Variants in ZNF43 observed in about 807,000 individuals in gnomAD.
ZNF43 encodes zinc finger protein 43.
In ZNF43, 44 loss-of-function variants were observed where a neutral mutation model predicts 68.4. That is an observed-to-expected ratio of 0.64 (90% CI 0.51 to 0.83). The LOEUF is 0.83. Ranked by LOEUF, ZNF43 falls within the 40% of genes least tolerant of loss-of-function variation. The pLI is 0.00. For synonymous variants in ZNF43, 308 were observed against 307.8 expected, an observed-to-expected ratio of 1.00 and a Z score of -0.01; for missense variants, 896 against 933.2, an observed-to-expected ratio of 0.96 and a Z score of 0.52.
chr19:21,823,306 C>T (rs2037944136), intron 1 of ZNF43, among the ~76,000 whole-genome samples: 1 of 152,138 alleles, frequency 6.6e-6, no homozygotes, highest in South Asian at 2.1e-4. Flanking sequence ...CTGTTTGAGT[C>T]TCCAGATCTC....
intron 1 of ZNF43, among the ~76,000 whole-genome samples, chr19:21,834,289 G>C (rs1380747630): frequency 7.3e-6 from 1 of 136,434 alleles, no homozygotes; most frequent in Middle Eastern, 4.5e-3. Flanking sequence ...AGTGAGCAGA[G>C]ATCACATCAC....
At chr19:21,814,999 C>T (rs1230669825) in intron 3 of ZNF43, among the ~76,000 whole-genome samples, 1 of 151,636 alleles carries the variant, frequency 6.6e-6, no homozygotes, top group East Asian at 2.0e-4. Context: ...ACCAGCCTGA[C>T]CAATATGATG....
rs2037114326 is a variant in ZNF43 at position 21,808,828 on chromosome 19, A to G, written c.1209T>C (p.Cys403=). 6.2e-7 allele frequency: 1 copy of G among 1,613,174 alleles called. No individual in the cohort carries two copies. The highest frequency in any genetic ancestry group is 1.7e-5 in the Admixed American group (1 of 59,930). The part of the protein sequence containing the change: ...TEKKPYKCEE[C]GKAFKWSSKL... ...TTGAGGACCACTTAAAAGCTTTGCC[A>G]CATTCTTCACATTTGTAGGGTTTCT... The change falls in exon 4 of 4, where the codon TGT becomes TGC. Residue 403 remains cysteine (C), a synonymous_variant. Transcript: ENST00000354959.
chr19:21,807,914 C>G lies in ZNF43; in HGVS notation c.2123G>C (p.Cys708Ser). The change falls in exon 4 of 4, where the codon TGT (cysteine) becomes TCT (serine). Residue 708 changes from cysteine to serine, a missense_variant. Physicochemically the swap from Cys to Ser is moderately radical, Grantham distance 112. Coordinates refer to ENST00000354959, the MANE Select transcript of ZNF43 (RefSeq NM_003423.4). ...IIHTGEKPYK[C>S]EKCGKAFNRS... ...GTTAAAAGCTTTGCCACATTTTTCA[C>G]ATTTGTAGGGTTTCTCTCCAGTATG... 1 of 1,612,968 alleles carries G rather than the reference C, an allele frequency of 6.2e-7. No homozygotes were observed.
intron 1 of ZNF43, among the ~76,000 whole-genome samples, chr19:21,819,900 A>C (rs2037713011): frequency 1.3e-5 from 2 of 152,102 alleles, no homozygotes; most frequent in African/African-American, 4.8e-5. Flanking sequence ...CAGTTGCATA[A>C]AGATTCTTAA....
At chr19:21,816,701 C>A (rs1292767839) in intron 3 of ZNF43, among the ~76,000 whole-genome samples, 1 of 152,152 alleles carries the variant, frequency 6.6e-6, no homozygotes, top group African/African-American at 2.4e-5. Flanking sequence ...TTCTGCCTAA[C>A]TAGAAACCCA....
At chr19:21,841,076 C>T (rs1358309419), upstream of ZNF43, 1 of 152,186 alleles carries the variant, frequency 6.6e-6, no homozygotes, top group Non-Finnish European at 1.5e-5. Flanking sequence ...CACCTGTGTG[C>T]TTGGCCCTAT....
chr19:21,806,060 C>T lies in ZNF43; in HGVS notation c.*1547G>A, dbSNP rs1056818093. On this transcript the variant is annotated 3_prime_UTR_variant, in exon 4 of 4. Transcript: ENST00000354959. ...AACCAATTTTAACTAAAATAAAAAA[C>T]TTTTGTCACTATAATGCAGAAGAAT... 2 of 151,798 alleles carry T rather than the reference C, an allele frequency of 1.3e-5. No homozygotes were observed. The highest frequency in any genetic ancestry group is 1.3e-4 in the Admixed American group (2 of 15,244). 9.4% of individuals were successfully genotyped at this position (151,798 alleles called of 1,614,324 possible). A position where few individuals can be genotyped will look rare whatever the true frequency, so the allele number is the denominator to read the frequency against.
intron 1 of ZNF43, chr19:21,845,335 G>A (rs780711067): frequency 3.9e-5 from 6 of 152,152 alleles, no homozygotes; most frequent in Non-Finnish European, 7.3e-5. Flanking sequence ...CCTGTGGGCA[G>A]GCCCAGGCAG....
chr19:21,811,206 A>G (rs2037254523), intron 3 of ZNF43, among the ~76,000 whole-genome samples: 1 of 152,186 alleles, frequency 6.6e-6, no homozygotes, highest in Admixed American at 6.5e-5. Context: ...TTTTTCACAG[A>G]AATATTCTTC....
chr19:21,827,363 T>A (rs903083196), intron 1 of ZNF43: 1 of 149,634 alleles, frequency 6.7e-6, no homozygotes, highest in African/African-American at 2.5e-5. Context: ...AGCTACTATG[T>A]GGTTTTTTTT....
At chr19:21,835,699 A>T (rs1211848300) in intron 1 of ZNF43, among the ~76,000 whole-genome samples, 1 of 152,096 alleles carries the variant, frequency 6.6e-6, no homozygotes, top group Non-Finnish European at 1.5e-5. Flanking sequence ...TAGAAATGCC[A>T]CGGACCAAAG....
intron 1 of ZNF43, among the ~76,000 whole-genome samples, chr19:21,833,831 C>T (rs1446687133): frequency 6.6e-6 from 1 of 151,726 alleles, no homozygotes; most frequent in Non-Finnish European, 1.5e-5. Context: ...AGTTTGAGAA[C>T]AGCGTGACCA....
At chr19:21,823,553 G>C (rs895950285) in intron 1 of ZNF43, among the ~76,000 whole-genome samples, 2 of 151,314 alleles carry the variant, frequency 1.3e-5, no homozygotes, top group African/African-American at 4.9e-5. Context: ...TGATAAGCCG[G>C]GCAAGAAAGA....
At chr19:21,827,717 A>C (rs2038207619) in intron 1 of ZNF43, among the ~76,000 whole-genome samples, 1 of 142,332 alleles carries the variant, frequency 7.0e-6, no homozygotes, top group Non-Finnish European at 1.5e-5. Context: ...GCTGGAGTGC[A>C]ATGGCACAAT....
intron 1 of ZNF43, among the ~76,000 whole-genome samples, chr19:21,830,259 T>C (rs2038356444): frequency 6.9e-6 from 1 of 145,332 alleles, no homozygotes; most frequent in African/African-American, 2.6e-5. Context: ...TAGAGAGAGA[T>C]TCTGTTTCAA....
chr19:21,812,251 C>A (rs534852475), intron 3 of ZNF43, among the ~76,000 whole-genome samples: 1 of 152,104 alleles, frequency 6.6e-6, no homozygotes, highest in Non-Finnish European at 1.5e-5. Context: ...CTCGGCCTCC[C>A]GAGTAGCTGG....
chr19:21,842,710 G>C (rs950888838), intron 1 of ZNF43, among the ~76,000 whole-genome samples: 2 of 152,148 alleles, frequency 1.3e-5, no homozygotes, highest in African/African-American at 4.8e-5. Context: ...TTCAGATTAT[G>C]TAGATCCTGA....
intron 1 of ZNF43, among the ~76,000 whole-genome samples, chr19:21,847,693 T>A (rs967598445): frequency 8.6e-6 from 1 of 116,180 alleles, no homozygotes; most frequent in Non-Finnish European, 1.7e-5. Flanking sequence ...TGAGACTCCG[T>A]CTCCGAAAAA....
Sources: gnomAD v4.1 joint callset for allele counts (sites outside exome capture counted in the v4.1 genomes callset) on GRCh38, gnomAD v4.1.1 for gene constraint, MANE v1.5 for transcripts, NCBI Gene and HGNC (gene_info 2026-07-23, HGNC 2026-07-21) for gene names.